B3GLCT: variants seen among roughly 807,000 people sequenced by gnomAD.
The protein encoded by B3GLCT is beta 3-glucosyltransferase.
B3GLCT carries 65 observed loss-of-function variants against 63.4 expected under a neutral mutation model. That is an observed-to-expected ratio of 1.03 (90% CI 0.84 to 1.26). The LOEUF is 1.26. Ranked by LOEUF, B3GLCT falls within the 50% of genes most tolerant of loss-of-function variation. The pLI, the probability that B3GLCT is intolerant of heterozygous loss-of-function variation, is 0.00. For synonymous variants in B3GLCT, 233 were observed against 219.2 expected, an observed-to-expected ratio of 1.06 and a Z score of -0.55; for missense variants, 577 against 604.8, an observed-to-expected ratio of 0.95 and a Z score of 0.48.
In B3GLCT at chr13:31,235,564, CAG is replaced by C. The variant is rs75304856; in HGVS notation, c.270+6276_270+6277del. ...AATGCGACATTCTCTGGAGAGGCCT[CAG>C]AGAGACTGGTCTCAGACTGCCTGAC... is the stretch of plus-strand genomic sequence containing the variant. On this transcript the variant is annotated intron_variant, in intron 4 of 14. Transcript: ENST00000343307. Among the ~76,000 whole-genome samples, 3,153 of 152,226 alleles carry C rather than the reference CAG, an allele frequency of 0.021. 163 individuals are homozygous for C. In the East Asian group the frequency reaches 0.23, roughly 11 times the overall value.
intron 6 of B3GLCT, among the ~76,000 whole-genome samples, chr13:31,251,734 A>G (rs575978647): frequency 3.3e-5 from 5 of 152,234 alleles, no homozygotes; most frequent in Admixed American, 1.3e-4. Context: ...GACCAAATCT[A>G]CATTTGATTG....
chr13:31,206,826 C>A (rs57040307), intron 1 of B3GLCT, among the ~76,000 whole-genome samples: 2,167 of 152,194 alleles, frequency 0.014, 50 homozygotes, highest in African/African-American at 0.05. Context: ...GGCATTGAGG[C>A]CTACTCCTCA....
At chr13:31,296,362 G>A (rs560294209) in intron 12 of B3GLCT, among the ~76,000 whole-genome samples, 10 of 152,320 alleles carry the variant, frequency 6.6e-5, no homozygotes, top group African/African-American at 2.4e-4. Context: ...GCATGGTTGG[G>A]TTCTAGTGAG....
At chr13:31,203,823 T>C (rs534036403) in intron 1 of B3GLCT, among the ~76,000 whole-genome samples, 27 of 152,352 alleles carry the variant, frequency 1.8e-4, no homozygotes, top group African/African-American at 6.5e-4. Flanking sequence ...TCTTCCTTAC[T>C]ACCATGATTT....
chr13:31,294,478 G>A (rs140345013), intron 12 of B3GLCT, among the ~76,000 whole-genome samples: 116 of 152,258 alleles, frequency 7.6e-4, no homozygotes, highest in African/African-American at 2.6e-3. Flanking sequence ...TTTTCACATA[G>A]TCCCATATTT....
chr13:31,274,213 C>T (rs1872684007), intron 8 of B3GLCT, among the ~76,000 whole-genome samples: 1 of 152,190 alleles, frequency 6.6e-6, no homozygotes, highest in African/African-American at 2.4e-5. Flanking sequence ...TCTTACATCT[C>T]TCTCTGTGAT....
chr13:31,321,809 G>A (rs1875340486), intron 13 of B3GLCT, among the ~76,000 whole-genome samples: 1 of 149,386 alleles, frequency 6.7e-6, no homozygotes, highest in East Asian at 2.0e-4. Context: ...TGAAAGTTTT[G>A]GTACTTGGAG....
intron 1 of B3GLCT, among the ~76,000 whole-genome samples, chr13:31,208,934 C>A (rs1279527603): frequency 1.3e-5 from 2 of 152,088 alleles, no homozygotes; most frequent in Non-Finnish European, 2.9e-5. Context: ...CCGGGTCACC[C>A]CCTCCTCAGA....
intron 8 of B3GLCT, among the ~76,000 whole-genome samples, chr13:31,272,821 A>G (rs555021383): frequency 1.3e-5 from 2 of 152,174 alleles, no homozygotes; most frequent in African/African-American, 4.8e-5. Flanking sequence ...TGCAGTTAAC[A>G]TTTTTATTAA....
In B3GLCT at chr13:31,229,194, G is replaced by C. The variant is rs577136660; in HGVS notation, c.170G>C (p.Gly57Ala). ...TTTTTTTTTGTTCTAGACTTAAAAG[G>C]AATTGTATTCGTCATCCAGAGTCAA... Reference protein sequence around the residue: ...ISRKNDIDLKGIVFVIQSQSN... With the variant: ...ISRKNDIDLKAIVFVIQSQSN... The change falls in exon 4 of 15, where the codon GGA becomes GCA. Residue 57 changes from glycine to alanine, a missense_variant. Transcript: ENST00000343307. 97 of 1,598,464 alleles carry C rather than the reference G, an allele frequency of 6.1e-5. 1 individual carries two copies. In the South Asian group the frequency reaches 1.0e-3, roughly 17 times the overall value.
chr13:31,292,111 T>C (rs1489182844), intron 12 of B3GLCT, among the ~76,000 whole-genome samples: 2 of 152,238 alleles, frequency 1.3e-5, no homozygotes, highest in Admixed American at 1.3e-4. Flanking sequence ...TGTAATGGAT[T>C]ACATTTATTG....
chr13:31,201,560 A>C (rs1868668517), intron 1 of B3GLCT, among the ~76,000 whole-genome samples: 1 of 151,890 alleles, frequency 6.6e-6, no homozygotes, highest in Admixed American at 6.6e-5. Flanking sequence ...CGACTGGGTG[A>C]CTCCTGGCTG....
intron 1 of B3GLCT, among the ~76,000 whole-genome samples, chr13:31,212,814 G>C (rs1869338796): frequency 6.6e-6 from 1 of 152,212 alleles, no homozygotes; most frequent in Non-Finnish European, 1.5e-5. Flanking sequence ...GTGGTGCTAA[G>C]ATATGTTAAC....
At chr13:31,271,347 ATAAT>A (rs1235444691) in intron 8 of B3GLCT, among the ~76,000 whole-genome samples, 1 of 152,214 alleles carries the variant, frequency 6.6e-6, no homozygotes, top group Non-Finnish European at 1.5e-5. Context: ...TATGACCATA[ATAAT>A]TTATTTATCC....
intron 6 of B3GLCT, among the ~76,000 whole-genome samples, chr13:31,255,029 C>T (rs35816517): frequency 0.39 from 54,408 of 138,880 alleles, 10,919 homozygotes; most frequent in East Asian, 0.73. Context: ...AGTGCAAAGA[C>T]GCTGTCTCAA....
At chr13:31,225,154 A>G (rs1394660835) in intron 3 of B3GLCT, among the ~76,000 whole-genome samples, 2 of 152,194 alleles carry the variant, frequency 1.3e-5, no homozygotes, top group African/African-American at 4.8e-5. Context: ...TCAGGCACTT[A>G]GTGTGCGGCC....
At chr13:31,213,988 T>A (rs532670850) in intron 1 of B3GLCT, among the ~76,000 whole-genome samples, 6 of 152,324 alleles carry the variant, frequency 3.9e-5, no homozygotes, top group African/African-American at 1.4e-4. Flanking sequence ...TTTCTTTCTT[T>A]TGAGCAAATG....
intron 10 of B3GLCT, among the ~76,000 whole-genome samples, chr13:31,283,605 A>T (rs112773614): frequency 0.02 from 1,324 of 66,366 alleles, 8 homozygotes; most frequent in African/African-American, 0.025. Flanking sequence ...CAGTTTTTTT[A>T]AAAAAAAAGC....
At chr13:31,231,771 C>A (rs1391124025) in intron 4 of B3GLCT, among the ~76,000 whole-genome samples, 1 of 152,152 alleles carries the variant, frequency 6.6e-6, no homozygotes, top group African/African-American at 2.4e-5. Flanking sequence ...TCCTTCTTCT[C>A]CTCTTCCCCT....
Sources: gnomAD v4.1 joint callset for allele counts (sites outside exome capture counted in the v4.1 genomes callset) on GRCh38, gnomAD v4.1.1 for gene constraint, MANE v1.5 for transcripts, NCBI Gene and HGNC (gene_info 2026-07-23, HGNC 2026-07-21) for gene names.